The following AUTS2 variants were observed in gnomAD, a reference collection of about 807,000 sequenced individuals.
The protein encoded by AUTS2 is autism susceptibility gene 2 protein.
AUTS2 carries 17 observed loss-of-function variants against 112.4 expected under a neutral mutation model. That is an observed-to-expected ratio of 0.15 (90% CI 0.10 to 0.23). The LOEUF (loss-of-function observed/expected upper bound fraction) is 0.23, where lower values mean the gene tolerates loss of function less well. Among genes scored for constraint, AUTS2 ranks in the 10% least tolerant of loss-of-function variants. The pLI is 1.00. For missense variants in AUTS2, 1,510 were observed against 1,701.6 expected, an observed-to-expected ratio of 0.89 and a Z score of 1.98; for synonymous variants, 751 against 702.7, an observed-to-expected ratio of 1.07 and a Z score of -1.09.
intron 4 of AUTS2, among the ~76,000 whole-genome samples, chr7:70,426,647 C>T (rs908805953): frequency 3.9e-5 from 6 of 152,106 alleles, no homozygotes; most frequent in Non-Finnish European, 7.4e-5. Flanking sequence ...TTCTGCTTGC[C>T]GTCTGCAATG....
At chr7:70,737,398 G>C (rs1016258923) in intron 6 of AUTS2, among the ~76,000 whole-genome samples, 3 of 152,232 alleles carry the variant, frequency 2.0e-5, no homozygotes, top group Non-Finnish European at 4.4e-5. Flanking sequence ...AAATGGAAGA[G>C]AACCTCACGT....
intron 5 of AUTS2, among the ~76,000 whole-genome samples, chr7:70,577,032 T>C (rs1457907032): frequency 3.3e-5 from 5 of 152,224 alleles, no homozygotes; most frequent in African/African-American, 4.8e-5. Context: ...GCTCTGCAGA[T>C]AGAGGCTCTA....
chr7:69,963,820 C>G (rs569455808), intron 2 of AUTS2, among the ~76,000 whole-genome samples: 1 of 152,280 alleles, frequency 6.6e-6, no homozygotes, highest in Admixed American at 6.5e-5. Flanking sequence ...GGCCTTCAGT[C>G]TTCAAAGCTC....
At chr7:70,611,309 G>A (rs747567685) in intron 5 of AUTS2, among the ~76,000 whole-genome samples, 12 of 152,190 alleles carry the variant, frequency 7.9e-5, no homozygotes, top group Non-Finnish European at 1.6e-4. Flanking sequence ...TCAAGGGCAT[G>A]CCCCCTTCAC....
intron 4 of AUTS2, among the ~76,000 whole-genome samples, chr7:70,168,402 T>C (rs1046098823): frequency 6.6e-6 from 1 of 152,220 alleles, no homozygotes; most frequent in Non-Finnish European, 1.5e-5. Flanking sequence ...CTGCAATCTC[T>C]GCCTCCCAGG....
chr7:70,190,081 A>G (rs1049151217), intron 4 of AUTS2, among the ~76,000 whole-genome samples: 4 of 152,224 alleles, frequency 2.6e-5, no homozygotes, highest in African/African-American at 9.7e-5. Flanking sequence ...AAGAGAATAC[A>G]GAACAAAATG....
chr7:70,673,624 C>T (rs573354173), intron 5 of AUTS2, among the ~76,000 whole-genome samples: 1 of 152,224 alleles, frequency 6.6e-6, no homozygotes, highest in South Asian at 2.1e-4. Flanking sequence ...AATCCACCTG[C>T]CTTGGCCTCT....
chr7:70,096,897 C>T (rs139504255), intron 2 of AUTS2, among the ~76,000 whole-genome samples: 241 of 152,296 alleles, frequency 1.6e-3, no homozygotes, highest in African/African-American at 5.7e-3. Flanking sequence ...TAGCCAGTGT[C>T]AGCATGCATG....
At position 69,722,536 on chromosome 7, in the gene AUTS2, A is replaced by G. The variant is rs115439144; in HGVS notation, c.309+122574A>G. On this transcript the variant is annotated intron_variant, in intron 1 of 18. Transcript: ENST00000342771. The stretch of plus-strand genomic sequence containing the variant: ...GTTTTTTAAGAGCTGGAAATTTGCT[A>G]TGTTGCCCAGGCTGGTCTTGAACTC... Among the ~76,000 whole-genome samples, 717 of 152,146 alleles carry G rather than the reference A, an allele frequency of 4.7e-3. 7 individuals are homozygous for G. Among genetic ancestry groups the G allele is most frequent in the African/African-American group, 0.016 (676 of 41,510 alleles).
intron 5 of AUTS2, among the ~76,000 whole-genome samples, chr7:70,687,331 A>G (rs566073912): frequency 6.6e-6 from 1 of 152,312 alleles, no homozygotes; most frequent in African/African-American, 2.4e-5. Context: ...AAGTAAGATG[A>G]GATACCTACA....
At chr7:69,680,678 T>G (rs1476532861) in intron 1 of AUTS2, among the ~76,000 whole-genome samples, 2 of 152,190 alleles carry the variant, frequency 1.3e-5, no homozygotes, top group East Asian at 3.9e-4. Context: ...TTTATTTTAT[T>G]TTTTATTTTT....
intron 4 of AUTS2, among the ~76,000 whole-genome samples, chr7:70,135,559 C>T (rs1008170615): frequency 7.2e-5 from 11 of 152,108 alleles, no homozygotes; most frequent in Admixed American, 1.3e-4. Flanking sequence ...GTATTTCTCT[C>T]GATACATTTA....
chr7:70,048,834 A>G (rs1184712473), intron 2 of AUTS2, among the ~76,000 whole-genome samples: 1 of 152,254 alleles, frequency 6.6e-6, no homozygotes, highest in Non-Finnish European at 1.5e-5. Context: ...TAAAATATCC[A>G]TAGTCTGACC....
chr7:69,898,711 G>A lies in AUTS2; in HGVS notation c.310-575G>A, dbSNP rs576757239. 6.6e-5 allele frequency among the ~76,000 whole-genome samples: 10 copies of A among 152,200 alleles called. No homozygotes were observed. The South Asian group carries it at 2.1e-3, about 32-fold the overall frequency. Reference sequence around the variant, plus strand: ...TGCTGTTGATCTTGGTGATAATATTGTTGTTACATTTTGCAAAGAAAATGG... The same window carrying A: ...TGCTGTTGATCTTGGTGATAATATTATTGTTACATTTTGCAAAGAAAATGG... On this transcript the variant is annotated intron_variant, in intron 1 of 18. Transcript: ENST00000342771.
Position 69,899,507 on chromosome 7 carries a change from G to A in AUTS2, c.522+9G>A. ...CGAAGGCACTCAGACAGGTGAGGAA[G>A]CTTGGGTTCGCTCTTTCCTGTGGCG... is the stretch of plus-strand genomic sequence containing the variant. On this transcript the variant is annotated intron_variant, in intron 2 of 18. Coordinates refer to ENST00000342771, the MANE Select transcript of AUTS2 (RefSeq NM_015570.4). The A allele has an allele frequency of 6.2e-7, 1 of 1,613,698 alleles. No homozygotes were observed. The highest frequency in any genetic ancestry group is 2.2e-5 in the East Asian group (1 of 44,882).
At chr7:69,676,309 A>G (rs1796560539) in intron 1 of AUTS2, among the ~76,000 whole-genome samples, 1 of 152,206 alleles carries the variant, frequency 6.6e-6, no homozygotes, top group Non-Finnish European at 1.5e-5. Flanking sequence ...CTAAACCTGT[A>G]TCCTGGGATG....
chr7:70,096,201 G>T (rs968538629), intron 2 of AUTS2, among the ~76,000 whole-genome samples: 2 of 152,118 alleles, frequency 1.3e-5, no homozygotes, highest in African/African-American at 4.8e-5. Flanking sequence ...TAAAGGGATG[G>T]ATATTTCAAG....
intron 2 of AUTS2, among the ~76,000 whole-genome samples, chr7:70,031,865 G>C (rs148044718): frequency 0.02 from 3,002 of 152,250 alleles, 41 homozygotes; most frequent in Non-Finnish European, 0.03. Flanking sequence ...TTTGATTGAA[G>C]AGATGAAAAC....
intron 4 of AUTS2, among the ~76,000 whole-genome samples, chr7:70,304,162 C>G (rs1789377661): frequency 6.6e-6 from 1 of 152,182 alleles, no homozygotes; most frequent in Admixed American, 6.5e-5. Flanking sequence ...CAGGGGTCCT[C>G]TTCTACTCAG....
Sources: allele counts gnomAD v4.1 joint callset (sites outside exome capture counted in the v4.1 genomes callset), GRCh38; gene constraint gnomAD v4.1.1; transcripts MANE v1.5; gene names NCBI Gene and HGNC (gene_info 2026-07-23, HGNC 2026-07-21).